The following SH3BGR variants were observed in gnomAD, a reference collection of about 807,000 sequenced individuals.
SH3BGR encodes the protein SH3 domain-binding glutamic acid-rich protein.
Under a neutral mutation model 24.5 loss-of-function variants are expected in SH3BGR, and 29 were observed. That is an observed-to-expected ratio of 1.18 (90% confidence interval 0.88 to 1.61). The LOEUF (loss-of-function observed/expected upper bound fraction) is 1.61. SH3BGR is among the 40% of genes most tolerant of loss of function. SH3BGR has a pLI of 0.00. For synonymous variants in SH3BGR, 55 were observed against 65.7 expected (o/e 0.84, Z 0.79); for missense variants, 162 against 205.8 (o/e 0.79, Z 1.30).
chr21:39,482,743 C>T (rs2078150179), intron 3 of SH3BGR, among the ~76,000 whole-genome samples: 1 of 152,080 alleles, frequency 6.6e-6, no homozygotes, highest in Non-Finnish European at 1.5e-5. Flanking sequence ...AGTCTCAGCT[C>T]ACTGCGACCT....
intron 2 of SH3BGR, among the ~76,000 whole-genome samples, chr21:39,467,983 A>T (rs1336730750): frequency 1.3e-5 from 2 of 152,252 alleles, no homozygotes; most frequent in African/African-American, 2.4e-5. Context: ...GAGGAATGTG[A>T]ACTGGAAAGA....
chr21:39,453,408 A>C (rs958770736), intron 1 of SH3BGR, among the ~76,000 whole-genome samples: 7 of 152,148 alleles, frequency 4.6e-5, no homozygotes, highest in Non-Finnish European at 1.0e-4. Flanking sequence ...TGGATAAAAA[A>C]ATTTTTTTGG....
upstream of SH3BGR, chr21:39,451,754 C>T (rs551481149): frequency 8.3e-6 from 8 of 965,172 alleles, no homozygotes; most frequent in Middle Eastern, 3.1e-4. Flanking sequence ...CACAGGTCTC[C>T]GATTGGTGCA....
chr21:39,504,750 T>TA (rs2078554631), intron 4 of SH3BGR, among the ~76,000 whole-genome samples: 1 of 152,262 alleles, frequency 6.6e-6, no homozygotes, highest in South Asian at 2.1e-4. Flanking sequence ...TCAAGCATTT[T>TA]ACATAGATAA....
intron 3 of SH3BGR, 141 bp from the exon 4 acceptor site, chr21:39,499,682 G>A (rs749422942): frequency 5.1e-6 from 3 of 584,602 alleles, no homozygotes; most frequent in Non-Finnish European, 9.1e-6. Flanking sequence ...TAGTCGCTAA[G>A]TGACCTAATG....
chr21:39,456,801 T>C (rs2077661935), intron 1 of SH3BGR, among the ~76,000 whole-genome samples: 2 of 152,202 alleles, frequency 1.3e-5, no homozygotes, highest in Admixed American at 1.3e-4. Flanking sequence ...TATTTGTCCG[T>C]GCTTGCCCCA....
At chr21:39,456,386 G>T (rs2077654850) in intron 1 of SH3BGR, among the ~76,000 whole-genome samples, 1 of 152,244 alleles carries the variant, frequency 6.6e-6, no homozygotes, top group Non-Finnish European at 1.5e-5. Flanking sequence ...GGGAATAAGT[G>T]CTTTATAAAA....
At chr21:39,491,130 ATTTC>A (rs1039847724) in intron 3 of SH3BGR, among the ~76,000 whole-genome samples, 34 of 151,718 alleles carry the variant, frequency 2.2e-4, no homozygotes, top group African/African-American at 7.5e-4. Flanking sequence ...TAGGTTTACT[ATTTC>A]TTTATTTTTT....
intron 2 of SH3BGR, among the ~76,000 whole-genome samples, chr21:39,469,579 TCTCA>T (rs2077902330): frequency 6.6e-6 from 1 of 151,846 alleles, no homozygotes; most frequent in African/African-American, 2.4e-5. Context: ...GCTAGAAATT[TCTCA>T]CTGAGTACTG....
At chr21:39,484,031 G>A (rs150587548) in intron 3 of SH3BGR, among the ~76,000 whole-genome samples, 1 of 152,206 alleles carries the variant, frequency 6.6e-6, no homozygotes, top group Non-Finnish European at 1.5e-5. Context: ...AGAGGTTTCA[G>A]TAGAACCCAG....
chr21:39,482,512 G>C (rs1235581215), intron 3 of SH3BGR, among the ~76,000 whole-genome samples: 1 of 152,210 alleles, frequency 6.6e-6, no homozygotes, highest in Non-Finnish European at 1.5e-5. Context: ...AAATACTGGA[G>C]TTACGTAAGA....
chr21:39,470,938 G>A (rs1161177040), intron 2 of SH3BGR, among the ~76,000 whole-genome samples: 1 of 151,700 alleles, frequency 6.6e-6, no homozygotes, highest in African/African-American at 2.4e-5. Flanking sequence ...TACTGAGTCT[G>A]GAATTCTGGG....
chr21:39,514,839 A>G (rs2078755183), intron 6 of SH3BGR, among the ~76,000 whole-genome samples: 1 of 152,208 alleles, frequency 6.6e-6, no homozygotes, highest in Non-Finnish European at 1.5e-5. Flanking sequence ...ACACAGTGGG[A>G]AATTATAATT....
At chr21:39,498,070 G>T (rs1048849425) in intron 3 of SH3BGR, among the ~76,000 whole-genome samples, 1 of 152,160 alleles carries the variant, frequency 6.6e-6, no homozygotes, top group Non-Finnish European at 1.5e-5. Context: ...GATTCAATAG[G>T]ATCAATCATA....
At chr21:39,467,733 A>C (rs2077867343) in intron 2 of SH3BGR, among the ~76,000 whole-genome samples, 1 of 152,138 alleles carries the variant, frequency 6.6e-6, no homozygotes. Flanking sequence ...ATGCCTGATG[A>C]TGGCAGCAGG....
intron 5 of SH3BGR, among the ~76,000 whole-genome samples, chr21:39,509,471 GT>G (rs560071613): frequency 0.018 from 1,896 of 103,866 alleles, 13 homozygotes; most frequent in East Asian, 0.043. Flanking sequence ...CACTTTTATT[GT>G]TTTTTTTTTT....
At chr21:39,500,602 C>G (rs767530002) in intron 4 of SH3BGR, among the ~76,000 whole-genome samples, 1 of 152,004 alleles carries the variant, frequency 6.6e-6, no homozygotes, top group Non-Finnish European at 1.5e-5. Context: ...AAGGAAGGAG[C>G]CTGGTGGGGC....
chr21:39,508,773 G>A lies in SH3BGR; in HGVS notation c.406-225G>A, dbSNP rs570800577. The stretch of plus-strand genomic sequence containing the variant: ...CTCAGGAGTTCAAGTGATGGGAAAC[G>A]GTCTTTAATCTCACAGTTATTTTAA... On this transcript the variant is annotated intron_variant, in intron 4 of 6. Transcript: ENST00000333634. 6.0e-4 allele frequency among the ~76,000 whole-genome samples: 92 copies of A among 152,224 alleles called. 1 individual carries two copies. The highest frequency in any genetic ancestry group is 2.0e-3 in the African/African-American group (83 of 41,544).
chr21:39,447,393 A>ATCTT (rs1295435804), upstream of SH3BGR, among the ~76,000 whole-genome samples: 1 of 146,866 alleles, frequency 6.8e-6, no homozygotes, highest in African/African-American at 2.5e-5. Flanking sequence ...CTGCCCTTGA[A>ATCTT]TCTTTCTTTG....
Sources: gnomAD v4.1 joint callset for allele counts (sites outside exome capture counted in the v4.1 genomes callset) on GRCh38, gnomAD v4.1.1 for gene constraint, MANE v1.5 for transcripts, NCBI Gene and HGNC (gene_info 2026-07-23, HGNC 2026-07-21) for gene names.